The following ERBB4 variants were observed in gnomAD, a reference collection of about 807,000 sequenced individuals.
The protein encoded by ERBB4 is receptor tyrosine-protein kinase erbB-4.
Under a neutral mutation model 158.0 loss-of-function variants are expected in ERBB4, and 42 were observed. That is an observed-to-expected ratio of 0.27 (90% CI 0.21 to 0.34). The LOEUF (loss-of-function observed/expected upper bound fraction) is 0.34. Ranked by LOEUF, ERBB4 falls within the 10% of genes least tolerant of loss-of-function variation. The pLI is 1.00. For synonymous variants in ERBB4, 583 were observed against 558.7 expected (o/e 1.04, Z -0.61); for missense variants, 1,333 against 1,624.1 (o/e 0.82, Z 3.08).
chr2:212,035,426 G>A (rs779660488), intron 2 of ERBB4, among the ~76,000 whole-genome samples: 10 of 152,112 alleles, frequency 6.6e-5, no homozygotes, highest in Non-Finnish European at 1.3e-4. Flanking sequence ...CTTCTAACTA[G>A]TTCCATCCAC....
intron 16 of ERBB4, among the ~76,000 whole-genome samples, chr2:211,641,340 T>C (rs944598894): frequency 6.6e-6 from 1 of 151,966 alleles, no homozygotes; most frequent in Non-Finnish European, 1.5e-5. Flanking sequence ...CAAGATAAAT[T>C]CTACTGTTCC....
intron 2 of ERBB4, among the ~76,000 whole-genome samples, chr2:212,083,448 T>C (rs894695838): frequency 1.1e-4 from 17 of 151,860 alleles, no homozygotes; most frequent in Non-Finnish European, 2.1e-4. Flanking sequence ...ATTACTAACA[T>C]GCAAAATGGA....
chr2:211,461,407 T>C (rs1461762543), intron 20 of ERBB4, among the ~76,000 whole-genome samples: 1 of 152,188 alleles, frequency 6.6e-6, no homozygotes, highest in Non-Finnish European at 1.5e-5. Flanking sequence ...TTGTTTGTTC[T>C]GTTTCCTTTC....
chr2:212,364,786 T>A (rs918000896), intron 1 of ERBB4, among the ~76,000 whole-genome samples: 3 of 151,752 alleles, frequency 2.0e-5, no homozygotes, highest in Non-Finnish European at 4.4e-5. Context: ...TAAGACTGAC[T>A]TGCATTTTAT....
At chr2:211,897,745 T>C (rs1246320997) in intron 3 of ERBB4, among the ~76,000 whole-genome samples, 3 of 152,016 alleles carry the variant, frequency 2.0e-5, no homozygotes, top group Non-Finnish European at 4.4e-5. Context: ...TTTTGTTTTG[T>C]TTTTTGCTTT....
chr2:211,755,145 G>A (rs1206009954), intron 4 of ERBB4, among the ~76,000 whole-genome samples: 1 of 152,172 alleles, frequency 6.6e-6, no homozygotes, highest in Non-Finnish European at 1.5e-5. Context: ...GATGAAATAA[G>A]AAACAAACCA....
At chr2:212,242,695 T>G (rs1202737383) in intron 1 of ERBB4, among the ~76,000 whole-genome samples, 1 of 152,180 alleles carries the variant, frequency 6.6e-6, no homozygotes, top group Non-Finnish European at 1.5e-5. Context: ...TACACTGAAT[T>G]CTCAAATTTG....
At chr2:211,742,408 T>C (rs1482907330) in intron 5 of ERBB4, among the ~76,000 whole-genome samples, 3 of 152,234 alleles carry the variant, frequency 2.0e-5, no homozygotes, top group African/African-American at 7.2e-5. Flanking sequence ...AAGATACAAT[T>C]TAATTTTCAA....
At chr2:212,207,619 G>A (rs1020614383) in intron 1 of ERBB4, among the ~76,000 whole-genome samples, 1 of 151,992 alleles carries the variant, frequency 6.6e-6, no homozygotes, top group Admixed American at 6.6e-5. Flanking sequence ...GGTTTTTTTG[G>A]AATAGCATTG....
At chr2:212,441,528 G>A (rs114445780) in intron 1 of ERBB4, among the ~76,000 whole-genome samples, 7,141 of 152,206 alleles carry the variant, frequency 0.047, 210 homozygotes, top group Non-Finnish European at 0.067. Context: ...AGAACTGTTT[G>A]AGTTTTCTAA....
intron 1 of ERBB4, among the ~76,000 whole-genome samples, chr2:212,287,663 T>C (rs2086047390): frequency 6.6e-6 from 1 of 151,964 alleles, no homozygotes; most frequent in Admixed American, 6.6e-5. Context: ...ATGGATATAA[T>C]ATGAAAAAAA....
At chr2:211,816,587 T>C (rs905055055) in intron 3 of ERBB4, among the ~76,000 whole-genome samples, 1 of 149,664 alleles carries the variant, frequency 6.7e-6, no homozygotes, top group Non-Finnish European at 1.5e-5. Context: ...GTATTATTCA[T>C]GAATAAGCAT....
At chr2:212,286,201 C>T (rs73066382) in intron 1 of ERBB4, among the ~76,000 whole-genome samples, 2,716 of 152,150 alleles carry the variant, frequency 0.018, 66 homozygotes, top group African/African-American at 0.061. Flanking sequence ...TTGGTTCTTA[C>T]GGTTTACTGA....
intron 18 of ERBB4, among the ~76,000 whole-genome samples, chr2:211,622,615 A>G (rs1398292880): frequency 6.6e-6 from 1 of 152,096 alleles, no homozygotes; most frequent in Non-Finnish European, 1.5e-5. Flanking sequence ...TCTAAGATCC[A>G]ATTAACTTTA....
At chr2:211,524,087 T>C (rs2066267023) in intron 20 of ERBB4, among the ~76,000 whole-genome samples, 1 of 152,032 alleles carries the variant, frequency 6.6e-6, no homozygotes, top group Admixed American at 6.5e-5. Flanking sequence ...TTGGTGTGTT[T>C]ACAAACCTTG....
At chr2:211,876,604 T>C (rs1359257403) in intron 3 of ERBB4, among the ~76,000 whole-genome samples, 1 of 152,162 alleles carries the variant, frequency 6.6e-6, no homozygotes, top group African/African-American at 2.4e-5. Flanking sequence ...ATTGGATTCA[T>C]GTGAAGTTCA....
chr2:211,598,176 C>A (rs1046342140), intron 19 of ERBB4, among the ~76,000 whole-genome samples: 1 of 152,206 alleles, frequency 6.6e-6, no homozygotes, highest in Admixed American at 6.6e-5. Context: ...CCTCCTGTCC[C>A]CTGTCCTTTC....
intron 3 of ERBB4, among the ~76,000 whole-genome samples, chr2:211,911,198 A>G (rs529166472): frequency 1.3e-5 from 2 of 152,320 alleles, no homozygotes; most frequent in East Asian, 3.9e-4. Context: ...GAAGAGCCCG[A>G]CAGTCTTTTT....
At chr2:212,251,856 A>T (rs1244844344) in intron 1 of ERBB4, among the ~76,000 whole-genome samples, 1 of 152,012 alleles carries the variant, frequency 6.6e-6, no homozygotes, top group African/African-American at 2.4e-5. Context: ...GTTAACCACT[A>T]ACCAGAGGAG....
Sources: gnomAD v4.1 joint callset for allele counts (sites outside exome capture counted in the v4.1 genomes callset) on GRCh38, gnomAD v4.1.1 for gene constraint, MANE v1.5 for transcripts, NCBI Gene and HGNC (gene_info 2026-07-23, HGNC 2026-07-21) for gene names.